Variants in TRIO observed in about 807,000 individuals in gnomAD.
TRIO encodes trio Rho guanine nucleotide exchange factor.
A neutral mutation model predicts 351.9 loss-of-function variants in TRIO; 58 were observed. The observed-to-expected ratio is 0.16, with a 90% CI of 0.13 to 0.21. The LOEUF (loss-of-function observed/expected upper bound fraction) is 0.21, where lower values mean the gene tolerates loss of function less well. Among genes scored for constraint, TRIO ranks in the 10% least tolerant of loss-of-function variants. The pLI is 1.00. For missense variants in TRIO, 3,201 were observed against 4,027.8 expected (o/e 0.79, Z 5.56); for synonymous variants, 1,758 against 1,595.7 (o/e 1.10, Z -2.42).
At chr5:14,190,512 G>A (rs187173767) in intron 1 of TRIO, among the ~76,000 whole-genome samples, 1 of 152,208 alleles carries the variant, frequency 6.6e-6, no homozygotes, top group Non-Finnish European at 1.5e-5. Flanking sequence ...TCTGAGGAGA[G>A]TGCAGAAATC....
chr5:14,484,253 C>T (rs953441795), intron 46 of TRIO, among the ~76,000 whole-genome samples: 1 of 152,104 alleles, frequency 6.6e-6, no homozygotes, highest in Non-Finnish European at 1.5e-5. Context: ...ATCATGATAT[C>T]ACATACAATT....
chr5:14,219,115 G>T (rs557731945), intron 1 of TRIO, among the ~76,000 whole-genome samples: 21 of 152,298 alleles, frequency 1.4e-4, no homozygotes, highest in African/African-American at 4.8e-4. Flanking sequence ...TTTGTGAGAT[G>T]GAAAAGTACT....
chr5:14,257,768 A>G (rs983469700), intron 1 of TRIO, among the ~76,000 whole-genome samples: 1 of 152,226 alleles, frequency 6.6e-6, no homozygotes, highest in Admixed American at 6.5e-5. Flanking sequence ...CAATAATTAC[A>G]TGTCTCAGTC....
chr5:14,432,186 G>A (rs1383288038), intron 34 of TRIO, among the ~76,000 whole-genome samples: 2 of 152,154 alleles, frequency 1.3e-5, no homozygotes, highest in South Asian at 2.1e-4. Context: ...TCATGACAAC[G>A]TAGACATACA....
Position 14,476,955 on chromosome 5 carries a change from G to A in TRIO, c.6145G>A (p.Val2049Ile). 6.2e-7 allele frequency: 1 copy of A among 1,613,294 alleles called. No individual in the cohort carries two copies. The highest frequency in any genetic ancestry group is 8.5e-7 in the Non-Finnish European group (1 of 1,179,668). Residue 2049 changes from valine (V) to isoleucine (I), a missense_variant, in exon 41 of 57, where the codon GTT becomes ATT. Transcript: ENST00000344204. The part of the protein sequence containing the change: ...EDPEKLGSLF[V>I]KHERRLHMYI... ...TCCAGAAAAACTAGGATCCCTTTTT[G>A]TTAAACACGTAAGCACAATAGCATT...
intron 6 of TRIO, among the ~76,000 whole-genome samples, chr5:14,293,707 A>G (rs1293214067): frequency 1.3e-5 from 2 of 152,222 alleles, no homozygotes; most frequent in Middle Eastern, 3.2e-3. Flanking sequence ...CTTAGAGGCC[A>G]GATAGGGGGT....
In TRIO at chr5:14,367,005, G is replaced by A. The variant is rs773303973; in HGVS notation, c.2874+26G>A. The stretch of plus-strand genomic sequence containing the variant: ...GTAAGGGCGCTGGGCCTGCCTGTGT[G>A]TTGGCTCTTTCATTCCTCAGGACAA... On this transcript the variant is annotated intron_variant, in intron 16 of 56. Coordinates refer to ENST00000344204, the MANE Select transcript of TRIO (RefSeq NM_007118.4). 3.6e-5 allele frequency: 58 copies of A among 1,613,020 alleles called. No individual in the cohort carries two copies. The Middle Eastern group carries it at 3.3e-3, about 92-fold the overall frequency.
At chr5:14,230,620 C>G (rs1793356955) in intron 1 of TRIO, among the ~76,000 whole-genome samples, 2 of 152,108 alleles carry the variant, frequency 1.3e-5, no homozygotes, top group Admixed American at 1.3e-4. Flanking sequence ...ACTTGTTTTC[C>G]ATGAATGTCT....
intron 34 of TRIO, among the ~76,000 whole-genome samples, chr5:14,448,781 C>G (rs1752629571): frequency 6.6e-6 from 1 of 152,128 alleles, no homozygotes; most frequent in Non-Finnish European, 1.5e-5. Flanking sequence ...TCTCTTTCAC[C>G]CAGCAAGGCT....
Position 14,293,147 on chromosome 5 carries a change from G to C in TRIO, c.1176+13G>C. 1.2e-6 allele frequency: 2 copies of C among 1,613,980 alleles called. No individual in the cohort carries two copies. The highest frequency in any genetic ancestry group is 1.7e-6 in the Non-Finnish European group (2 of 1,179,914). On this transcript the variant is annotated intron_variant, in intron 6 of 56. Coordinates refer to ENST00000344204, the MANE Select transcript of TRIO (RefSeq NM_007118.4). The stretch of plus-strand genomic sequence containing the variant: ...CATGAACTGTATGGTAAGACACTCG[G>C]AACAGCTGGACCCTGGCATGTGACA...
intron 33 of TRIO, among the ~76,000 whole-genome samples, 198 bp downstream of exon 33, chr5:14,406,870 A>G (rs1424126493): frequency 1.3e-5 from 2 of 152,144 alleles, no homozygotes; most frequent in Admixed American, 1.3e-4. Flanking sequence ...CTGAGGATTC[A>G]GGAGAAATCA....
In TRIO at chr5:14,297,166, G is replaced by A. The variant is rs754648881; in HGVS notation, c.1271G>A (p.Ser424Asn). Residue 424 changes from serine (S) to asparagine (N), a missense_variant, in exon 7 of 57, where the codon AGT becomes AAT. Physicochemically the swap from Ser to Asn is conservative, Grantham distance 46. Coordinates refer to ENST00000344204, the MANE Select transcript of TRIO (RefSeq NM_007118.4). ...YASQQIRQIA[S>N]QLEQEWKAFA... is the part of the protein sequence containing the mutation. ...TCGCAGCAGATCAGGCAGATCGCGA[G>A]TCAGCTGGAGCAGGAGTGGAAGGCG... is the stretch of plus-strand genomic sequence containing the variant. 6.2e-6 allele frequency: 10 copies of A among 1,614,250 alleles called. No individual in the cohort carries two copies. The highest frequency in any genetic ancestry group is 1.3e-5 in the African/African-American group (1 of 75,070).
intron 1 of TRIO, among the ~76,000 whole-genome samples, chr5:14,165,662 T>C (rs1788720064): frequency 6.6e-6 from 1 of 152,166 alleles, no homozygotes; most frequent in South Asian, 2.1e-4. Context: ...TTTAGGAGAG[T>C]GACTCATCCT....
At chr5:14,207,557 C>CACACA (rs58848680) in intron 1 of TRIO, among the ~76,000 whole-genome samples, 2 of 146,180 alleles carry the variant, frequency 1.4e-5, no homozygotes, top group Non-Finnish European at 1.5e-5. Flanking sequence ...CACACACACA[C>CACACA]GGAGCCAGGT....
At chr5:14,407,818 G>T (rs1349435798) in intron 33 of TRIO, among the ~76,000 whole-genome samples, 1 of 152,206 alleles carries the variant, frequency 6.6e-6, no homozygotes, top group African/African-American at 2.4e-5. Flanking sequence ...AAGACAAAAT[G>T]TTCTCTGTCA....
At chr5:14,211,114 G>T (rs2152193109) in intron 1 of TRIO, among the ~76,000 whole-genome samples, 1 of 152,282 alleles carries the variant, frequency 6.6e-6, no homozygotes, top group South Asian at 2.1e-4. Flanking sequence ...TAGACCTTTT[G>T]ACTTTACCTT....
intron 1 of TRIO, among the ~76,000 whole-genome samples, chr5:14,203,379 C>T (rs542826459): frequency 1.4e-4 from 22 of 152,286 alleles, no homozygotes; most frequent in African/African-American, 7.2e-5. Context: ...AACATTTCCC[C>T]GCAAGGACTA....
chr5:14,465,968 A>C (rs1408258230), intron 37 of TRIO: 1 of 317,778 alleles, frequency 3.1e-6, no homozygotes, highest in Non-Finnish European at 6.2e-6. Flanking sequence ...AGGCAGACAG[A>C]GGATTGCCAA....
At chr5:14,494,193 G>A (rs1483047676) in intron 49 of TRIO, among the ~76,000 whole-genome samples, 1 of 152,120 alleles carries the variant, frequency 6.6e-6, no homozygotes, top group Admixed American at 6.5e-5. Context: ...ATACCAAAAG[G>A]TTAATTCAGT....
Sources: gnomAD v4.1 joint callset for allele counts (sites outside exome capture counted in the v4.1 genomes callset) on GRCh38, gnomAD v4.1.1 for gene constraint, MANE v1.5 for transcripts, NCBI Gene and HGNC (gene_info 2026-07-23, HGNC 2026-07-21) for gene names.